Variants in TTC17 observed in about 807,000 individuals in gnomAD.
The protein encoded by TTC17 is tetratricopeptide repeat protein 17.
A neutral mutation model predicts 143.8 loss-of-function variants in TTC17; 58 were observed. That is an observed-to-expected ratio of 0.40 (90% CI 0.33 to 0.50). The LOEUF (loss-of-function observed/expected upper bound fraction) is 0.50. Ranked by LOEUF, TTC17 falls within the 20% of genes least tolerant of loss-of-function variation. The probability of loss-of-function intolerance (pLI) is 0.49; values close to 1 mark genes in which losing one functional copy is unlikely to be tolerated. For synonymous variants in TTC17, 501 were observed against 497.8 expected (o/e 1.01, Z -0.09); for missense variants, 1,273 against 1,392.5 (o/e 0.91, Z 1.37).
chr11:43,405,676 C>A, intron 12 of TTC17, 47 bp downstream of exon 12: 3 of 1,610,224 alleles, frequency 1.9e-6, no homozygotes, highest in South Asian at 2.2e-5. Flanking sequence ...GCATGATTGT[C>A]ATCTAGCGGT....
chr11:43,448,018 C>T lies in TTC17; in HGVS notation c.2682C>T (p.Tyr894=), dbSNP rs1430048895. 3 of 1,613,798 alleles carry T rather than the reference C, an allele frequency of 1.9e-6. No homozygotes were observed. Among genetic ancestry groups the T allele is most frequent in the Admixed American group, 1.7e-5 (1 of 59,966 alleles). The stretch of plus-strand genomic sequence containing the variant: ...TCCTTCCAGGAAAAAAACGTGACTA[C>T]CAGCGTCTGGGATGGCCCAGCCCGG... The part of the protein sequence containing the change: ...SPGPQGKKRD[Y]QRLGWPSPDE... The change falls in exon 19 of 24, where the codon TAC becomes TAT. Residue 894 remains tyrosine (Y), a synonymous_variant. Transcript: ENST00000039989.
chr11:43,453,914 G>A (rs1412316536), intron 21 of TTC17, among the ~76,000 whole-genome samples: 1 of 152,088 alleles, frequency 6.6e-6, no homozygotes, highest in Non-Finnish European at 1.5e-5. Flanking sequence ...AAATCATCTG[G>A]CAGCACAGTA....
intron 5 of TTC17, among the ~76,000 whole-genome samples, chr11:43,393,330 A>C (rs1857459642): frequency 6.6e-6 from 1 of 152,182 alleles, no homozygotes; most frequent in Non-Finnish European, 1.5e-5. Flanking sequence ...AGCTCACGGA[A>C]GTCAGGAAAG....
chr11:43,490,654 A>G (rs1022473033), intron 22 of TTC17: 5 of 185,800 alleles, frequency 2.7e-5, no homozygotes, highest in African/African-American at 1.2e-4. Flanking sequence ...AACATACAGC[A>G]AATGCACTGG....
rs776316875 is a variant in TTC17 at position 43,397,959 on chromosome 11, T to G, written c.919-15T>G. The stretch of plus-strand genomic sequence containing the variant: ...GTGTGTGTGTGTGTGTGTATGTTTG[T>G]TTTTGTCTCTTCAGATGCTTGGGGA... On this transcript the variant is annotated splice_polypyrimidine_tract_variant and intron_variant, in intron 7 of 23. Coordinates refer to ENST00000039989, the MANE Select transcript of TTC17 (RefSeq NM_018259.6). 12 of 1,610,366 alleles carry G rather than the reference T, an allele frequency of 7.5e-6. No individual in the cohort carries two copies. Among genetic ancestry groups the G allele is most frequent in the Non-Finnish European group, 1.0e-5 (12 of 1,178,482 alleles).
At chr11:43,362,121 CA>C (rs1237799838) in intron 1 of TTC17, among the ~76,000 whole-genome samples, 10 of 150,828 alleles carry the variant, frequency 6.6e-5, no homozygotes, top group African/African-American at 2.5e-4. Flanking sequence ...GCTGGGATTA[CA>C]GGCATGCACT....
chr11:43,427,500 A>G lies in TTC17; in HGVS notation c.2251+12724A>G, dbSNP rs188843255. ...TTGCGGGTAGTTAATTTTCTTGACT[A>G]CATACATCCTGCTTTGCTAGTTTGA... On this transcript the variant is annotated intron_variant, in intron 16 of 23. Coordinates refer to ENST00000039989, the MANE Select transcript of TTC17 (RefSeq NM_018259.6). 5.9e-5 allele frequency among the ~76,000 whole-genome samples: 9 copies of G among 152,300 alleles called. No individual in the cohort carries two copies. The East Asian group carries it at 1.7e-3, about 29-fold the overall frequency.
At chr11:43,402,067 T>C (rs2134572475) in intron 10 of TTC17, among the ~76,000 whole-genome samples, 1 of 152,172 alleles carries the variant, frequency 6.6e-6, no homozygotes, top group East Asian at 1.9e-4. Flanking sequence ...TGTTATGTTG[T>C]TATGTTTACG....
chr11:43,434,459 C>T (rs922703657), intron 16 of TTC17, among the ~76,000 whole-genome samples: 1 of 152,182 alleles, frequency 6.6e-6, no homozygotes, highest in Non-Finnish European at 1.5e-5. Context: ...ATCCAGATCT[C>T]AGATCTACTA....
chr11:43,486,346 C>T (rs1948381002), intron 21 of TTC17: 1 of 419,376 alleles, frequency 2.4e-6, no homozygotes, highest in African/African-American at 2.0e-5. Flanking sequence ...CGTGTAGAAG[C>T]TCCCTGCCTG....
chr11:43,371,661 C>T (rs1412997090), intron 1 of TTC17, among the ~76,000 whole-genome samples: 4 of 152,150 alleles, frequency 2.6e-5, no homozygotes, highest in Non-Finnish European at 4.4e-5. Context: ...CCTCTTCTCT[C>T]ACCAGAGGTT....
At chr11:43,430,569 C>T (rs7123763) in intron 16 of TTC17, among the ~76,000 whole-genome samples, 14,048 of 152,132 alleles carry the variant, frequency 0.092, 2,187 homozygotes, top group African/African-American at 0.32. Flanking sequence ...ACAGAGCCTA[C>T]TGTGAGACTA....
intron 16 of TTC17, among the ~76,000 whole-genome samples, chr11:43,442,030 G>A (rs1590428032): frequency 1.3e-5 from 2 of 152,240 alleles, no homozygotes; most frequent in Admixed American, 1.3e-4. Context: ...CACAAAGCTA[G>A]GTGGTATAGC....
At chr11:43,380,295 G>A (rs974738263) in intron 2 of TTC17, among the ~76,000 whole-genome samples, 3 of 151,588 alleles carry the variant, frequency 2.0e-5, no homozygotes, top group South Asian at 2.1e-4. Flanking sequence ...CACTCTTGTC[G>A]GCCAGGCTGC....
chr11:43,397,576 CT>C, intron 7 of TTC17, 85 bp downstream of exon 7: 1 of 1,333,354 alleles, frequency 7.5e-7, no homozygotes, highest in East Asian at 2.4e-5. Flanking sequence ...TAGAATGTTA[CT>C]TTTTTCCATT....
intron 21 of TTC17, among the ~76,000 whole-genome samples, chr11:43,482,129 T>C (rs979773925): frequency 3.3e-5 from 5 of 152,070 alleles, no homozygotes; most frequent in African/African-American, 1.2e-4. Context: ...ATAATCAGTT[T>C]GAGGATCCAC....
At chr11:43,425,715 C>T (rs2134662954) in intron 16 of TTC17, among the ~76,000 whole-genome samples, 1 of 152,108 alleles carries the variant, frequency 6.6e-6, no homozygotes, top group South Asian at 2.1e-4. Flanking sequence ...GTATTTATTA[C>T]TAGTGGTTGA....
chr11:43,494,093 C>T lies in TTC17; in HGVS notation c.*189C>T, dbSNP rs1948518713. 3 of 708,444 alleles carry T rather than the reference C, an allele frequency of 4.2e-6. No homozygotes were observed. The highest frequency in any genetic ancestry group is 5.0e-5 in the South Asian group (2 of 39,768). The allele number at this position is 708,444 out of a possible 1,614,324, so 43.9% of individuals were successfully genotyped here. On this transcript the variant is annotated 3_prime_UTR_variant, in exon 24 of 24. Transcript: ENST00000039989. ...ACGTTTCTCCTTTCCCCCAACCAAC[C>T]TCAGAAGAGGCACCTTCAGAAACAC... is the stretch of plus-strand genomic sequence containing the variant.
At chr11:43,419,754 C>G (rs185120782) in intron 16 of TTC17, among the ~76,000 whole-genome samples, 2 of 152,162 alleles carry the variant, frequency 1.3e-5, no homozygotes, top group African/African-American at 4.8e-5. Context: ...TTCACAGACT[C>G]TATCATAGCA....
Sources: gnomAD v4.1 joint callset for allele counts (sites outside exome capture counted in the v4.1 genomes callset) on GRCh38, gnomAD v4.1.1 for gene constraint, MANE v1.5 for transcripts, NCBI Gene and HGNC (gene_info 2026-07-23, HGNC 2026-07-21) for gene names.